Variants in ARHGAP5 observed in about 807,000 individuals in gnomAD.
The protein encoded by ARHGAP5 is Rho GTPase activating protein 5.
A neutral mutation model predicts 116.6 loss-of-function variants in ARHGAP5; 23 were observed. The observed-to-expected ratio is 0.20, with a 90% CI of 0.14 to 0.28. The LOEUF (loss-of-function observed/expected upper bound fraction) is 0.28. Among genes scored for constraint, ARHGAP5 ranks in the 10% least tolerant of loss-of-function variants. The pLI is 1.00. For synonymous variants in ARHGAP5, 574 were observed against 602.0 expected, an observed-to-expected ratio of 0.95 and a Z score of 0.68; for missense variants, 1,405 against 1,774.8, an observed-to-expected ratio of 0.79 and a Z score of 3.74.
At chr14:32,127,941 G>A (rs1880264805) in intron 3 of ARHGAP5, among the ~76,000 whole-genome samples, 1 of 149,626 alleles carries the variant, frequency 6.7e-6, no homozygotes, top group Admixed American at 6.6e-5. Flanking sequence ...TCACGGCCGG[G>A]CAGAGGTGCT....
chr14:32,154,884 C>A lies in ARHGAP5; in HGVS notation c.4445C>A (p.Pro1482Gln). 1 of 1,613,978 alleles carries A rather than the reference C, an allele frequency of 6.2e-7. No homozygotes were observed. The highest frequency in any genetic ancestry group is 8.5e-7 in the Non-Finnish European group (1 of 1,179,936). ...GAACCAATGGTGCCACTTCAGTTGC[C>A]GCCACCATTGCAACCTCAGCTGATA... ...LVEPMVPLQL[P>Q]PPLQPQLIQP... Residue 1482 changes from proline (P) to glutamine (Q), a missense_variant, in exon 7 of 7, where the codon CCG becomes CAG. This residue lies in a region of ARHGAP5 where 85 missense variants were observed against 96.6 expected (regional missense o/e 0.88). Coordinates refer to ENST00000345122, the MANE Select transcript of ARHGAP5 (RefSeq NM_001030055.2).
intron 2 of ARHGAP5, among the ~76,000 whole-genome samples, chr14:32,113,036 T>G (rs1174103211): frequency 6.6e-6 from 1 of 152,212 alleles, no homozygotes; most frequent in African/African-American, 2.4e-5. Flanking sequence ...TTGATGGCAT[T>G]TTATAGCAAT....
chr14:32,137,204 T>C (rs1880848112), intron 3 of ARHGAP5, among the ~76,000 whole-genome samples: 1 of 150,484 alleles, frequency 6.6e-6, no homozygotes, highest in South Asian at 2.1e-4. Context: ...CTAGGTTTTA[T>C]AGGGTTTGCT....
chr14:32,145,342 A>AG (rs1881326003), intron 3 of ARHGAP5, among the ~76,000 whole-genome samples: 1 of 152,236 alleles, frequency 6.6e-6, no homozygotes, highest in Non-Finnish European at 1.5e-5. Flanking sequence ...GACAAGAGTG[A>AG]GGAGGGACTC....
At chr14:32,077,569 C>T in intron 1 of ARHGAP5, 134 bp downstream of exon 1, 1 of 552,586 alleles carries the variant, frequency 1.8e-6, no homozygotes, top group Non-Finnish European at 3.2e-6. Flanking sequence ...CCCGCGGCCG[C>T]CGAGGGGAGC....
At chr14:32,102,517 T>A (rs971942684) in intron 2 of ARHGAP5, among the ~76,000 whole-genome samples, 11 of 152,226 alleles carry the variant, frequency 7.2e-5, no homozygotes, top group African/African-American at 2.7e-4. Flanking sequence ...ACCACTGCAT[T>A]CTGGTCTGTG....
chr14:32,122,099 C>G (rs1487851010), intron 3 of ARHGAP5, among the ~76,000 whole-genome samples: 2 of 152,198 alleles, frequency 1.3e-5, no homozygotes, highest in Admixed American at 1.3e-4. Context: ...TTTTAAGGAA[C>G]TACCAGACTC....
intron 3 of ARHGAP5, among the ~76,000 whole-genome samples, chr14:32,138,391 C>G (rs1179862035): frequency 2.0e-5 from 3 of 152,194 alleles, no homozygotes; most frequent in African/African-American, 7.2e-5. Flanking sequence ...TCAAGCAATT[C>G]TCTTGCCTCA....
At chr14:32,081,580 A>G (rs1005312795) in intron 1 of ARHGAP5, among the ~76,000 whole-genome samples, 1 of 148,884 alleles carries the variant, frequency 6.7e-6, no homozygotes, top group Non-Finnish European at 1.5e-5. Context: ...AAGATGTAAG[A>G]GCATCAGTTT....
intron 1 of ARHGAP5, 87 bp downstream of exon 1, chr14:32,077,522 G>A (rs1438700728): frequency 1.6e-6 from 1 of 643,466 alleles, no homozygotes; most frequent in South Asian, 1.7e-5. Flanking sequence ...CCGCTCGGTC[G>A]CCGCTGCCGG....
chr14:32,122,110 T>C (rs1879917548), intron 3 of ARHGAP5, among the ~76,000 whole-genome samples: 1 of 152,204 alleles, frequency 6.6e-6, no homozygotes, highest in South Asian at 2.1e-4. Flanking sequence ...TACCAGACTC[T>C]TTCAAAGAGG....
chr14:32,122,038 C>T (rs1879913710), intron 3 of ARHGAP5, among the ~76,000 whole-genome samples: 1 of 152,124 alleles, frequency 6.6e-6, no homozygotes, highest in Admixed American at 6.6e-5. Context: ...CATATGTTTT[C>T]ACCTCTTGGG....
At chr14:32,138,545 A>G (rs1049482688) in intron 3 of ARHGAP5, among the ~76,000 whole-genome samples, 1 of 152,122 alleles carries the variant, frequency 6.6e-6, no homozygotes, top group Non-Finnish European at 1.5e-5. Flanking sequence ...CAGCCTCCCA[A>G]AGTGCTGGGA....
intron 2 of ARHGAP5, among the ~76,000 whole-genome samples, chr14:32,098,466 A>G (rs576583886): frequency 6.6e-6 from 1 of 152,366 alleles, no homozygotes; most frequent in South Asian, 2.1e-4. Context: ...GGTTGGTGAC[A>G]TAGAATGGAG....
At chr14:32,084,513 T>G (rs2041809833) in intron 1 of ARHGAP5, among the ~76,000 whole-genome samples, 1 of 152,220 alleles carries the variant, frequency 6.6e-6, no homozygotes, top group African/African-American at 2.4e-5. Context: ...CTGATTATTC[T>G]TAGTCTGGAG....
intron 1 of ARHGAP5, among the ~76,000 whole-genome samples, chr14:32,083,503 CT>C (rs2041798481): frequency 6.6e-6 from 1 of 152,210 alleles, no homozygotes; most frequent in African/African-American, 2.4e-5. Context: ...TCAACTTGTA[CT>C]TTCATTTCTT....
chr14:32,130,270 G>A (rs1461802229), intron 3 of ARHGAP5, among the ~76,000 whole-genome samples: 1 of 143,804 alleles, frequency 7.0e-6, no homozygotes, highest in African/African-American at 2.6e-5. Context: ...GGAGTGTAGT[G>A]GTGGGATCTC....
At chr14:32,089,480 A>G (rs905913680) in intron 1 of ARHGAP5, among the ~76,000 whole-genome samples, 1 of 151,942 alleles carries the variant, frequency 6.6e-6, no homozygotes, top group South Asian at 2.1e-4. Flanking sequence ...AAAGAATGTG[A>G]AAAATCTCTA....
intron 6 of ARHGAP5, among the ~76,000 whole-genome samples, chr14:32,153,060 T>TTTG (rs1306352248): frequency 6.9e-6 from 1 of 145,812 alleles, no homozygotes; most frequent in Non-Finnish European, 1.5e-5. Flanking sequence ...TGTTTTTTTT[T>TTTG]TTTTTTAAAC....
Sources: gnomAD v4.1 joint callset for allele counts (sites outside exome capture counted in the v4.1 genomes callset) on GRCh38, gnomAD v4.1.1 for gene constraint, gnomAD v4.1.1 regional missense constraint, MANE v1.5 for transcripts, NCBI Gene and HGNC (gene_info 2026-07-23, HGNC 2026-07-21) for gene names.